DLGAP2: variants seen among roughly 807,000 people sequenced by gnomAD.
DLGAP2 encodes DLG associated protein 2.
A neutral mutation model predicts 100.3 loss-of-function variants in DLGAP2; 26 were observed. That is an observed-to-expected ratio of 0.26 (90% CI 0.19 to 0.36). The LOEUF is 0.36. Among genes scored for constraint, DLGAP2 ranks in the 10% least tolerant of loss-of-function variants. The pLI is 1.00. For synonymous variants in DLGAP2, 886 were observed against 630.1 expected (o/e 1.41, Z -6.08); for missense variants, 1,858 against 1,453.2 (o/e 1.28, Z -4.53).
chr8:1,550,894 G>C (rs957286851), intron 5 of DLGAP2, among the ~76,000 whole-genome samples: 2 of 152,208 alleles, frequency 1.3e-5, no homozygotes, highest in Non-Finnish European at 2.9e-5. Flanking sequence ...ACTCTTGCTT[G>C]CCTAGAGCAG....
At chr8:1,022,904 A>T (rs188989044) in intron 2 of DLGAP2, among the ~76,000 whole-genome samples, 2 of 152,340 alleles carry the variant, frequency 1.3e-5, no homozygotes, top group East Asian at 3.9e-4. Context: ...TGAAATTGGC[A>T]GCTTTAGAAA....
In DLGAP2 at chr8:1,548,794, C is replaced by A; in HGVS notation, c.341C>A (p.Pro114His). The A allele has an allele frequency of 1.9e-6, 3 of 1,584,080 alleles. No individual in the cohort carries two copies. Among genetic ancestry groups the A allele is most frequent in the Non-Finnish European group, 2.6e-6 (3 of 1,168,518 alleles). Residue 114 changes from proline (P) to histidine (H), a missense_variant, in exon 5 of 15, where the codon CCC becomes CAC. By Grantham distance (77) the Pro-to-His change is moderately conservative. Coordinates refer to ENST00000637795, the MANE Select transcript of DLGAP2 (RefSeq NM_001346810.2). ...PEDCEHLHHG[P>H]DARPPYLLSP... ...GACTGCGAGCACCTGCACCACGGGCCCGACGCGCGGCCGCCCTACCTGCTG... is the reference window on the plus strand; with the variant it reads ...GACTGCGAGCACCTGCACCACGGGCACGACGCGCGGCCGCCCTACCTGCTG...
At chr8:1,625,066 A>G (rs1018231414) in intron 6 of DLGAP2, among the ~76,000 whole-genome samples, 13 of 152,242 alleles carry the variant, frequency 8.5e-5, no homozygotes, top group African/African-American at 3.1e-4. Flanking sequence ...CCATTTTTAA[A>G]GACTGAAGTA....
intron 2 of DLGAP2, among the ~76,000 whole-genome samples, chr8:1,251,444 C>T (rs1184161057): frequency 1.3e-5 from 2 of 152,084 alleles, no homozygotes; most frequent in African/African-American, 4.8e-5. Context: ...ATTGTATTTA[C>T]TGATTTATTT....
intron 2 of DLGAP2, among the ~76,000 whole-genome samples, chr8:1,037,023 G>C (rs945931555): frequency 6.6e-6 from 1 of 152,118 alleles, no homozygotes; most frequent in Non-Finnish European, 1.5e-5. Flanking sequence ...TGCACTGGAC[G>C]CTTGCTGTTC....
chr8:1,275,054 T>A (rs963064989), intron 3 of DLGAP2, among the ~76,000 whole-genome samples: 2 of 152,114 alleles, frequency 1.3e-5, no homozygotes, highest in African/African-American at 4.8e-5. Flanking sequence ...AGAGCCCACA[T>A]TGGTGAAGGC....
chr8:902,379 G>A (rs1798270885), intron 1 of DLGAP2, among the ~76,000 whole-genome samples: 1 of 150,424 alleles, frequency 6.6e-6, no homozygotes, highest in African/African-American at 2.4e-5. Context: ...CACTCCAAGG[G>A]CAGCCGGAGG....
intron 2 of DLGAP2, among the ~76,000 whole-genome samples, chr8:1,257,393 C>G (rs1159865547): frequency 6.6e-6 from 1 of 152,116 alleles, no homozygotes; most frequent in African/African-American, 2.4e-5. Context: ...ATGTTCCGCT[C>G]CCTCCTGAAC....
intron 6 of DLGAP2, among the ~76,000 whole-genome samples, chr8:1,577,440 T>A (rs888980863): frequency 6.6e-6 from 1 of 151,802 alleles, no homozygotes; most frequent in South Asian, 2.1e-4. Context: ...TAGTGGCACA[T>A]GCCTGTAATC....
At chr8:946,354 C>T (rs113064235) in intron 2 of DLGAP2, among the ~76,000 whole-genome samples, 1 of 151,832 alleles carries the variant, frequency 6.6e-6, no homozygotes, top group African/African-American at 2.4e-5. Flanking sequence ...AGCTCCGCCT[C>T]CCGGGTTCAC....
At chr8:1,332,916 C>T (rs1236931563) in intron 3 of DLGAP2, among the ~76,000 whole-genome samples, 3 of 152,166 alleles carry the variant, frequency 2.0e-5, no homozygotes, top group Admixed American at 6.5e-5. Context: ...GGACCACTTG[C>T]TGATGTTTCC....
rs555090483 is a variant in DLGAP2, at chr8:1,635,972, A to C, written c.1810+2926A>C. 3.1e-4 allele frequency among the ~76,000 whole-genome samples: 47 copies of C among 152,338 alleles called. 1 individual carries two copies. The South Asian group carries it at 8.7e-3, about 28-fold the overall frequency. ...ATCACCAGGGAACTCCAGTAAGAACAGAATACCCTGTGAGGCGGTGTGAGC... is the reference window on the plus strand; with the variant it reads ...ATCACCAGGGAACTCCAGTAAGAACCGAATACCCTGTGAGGCGGTGTGAGC... On this transcript the variant is annotated intron_variant, in intron 8 of 14. Transcript: ENST00000637795.
At chr8:933,267 C>T (rs1230701657) in intron 2 of DLGAP2, among the ~76,000 whole-genome samples, 1 of 152,250 alleles carries the variant, frequency 6.6e-6, no homozygotes, top group South Asian at 2.1e-4. Flanking sequence ...TTAGGGAGCC[C>T]TCTGTCCTGG....
chr8:1,080,327 C>T (rs995538003), intron 2 of DLGAP2, among the ~76,000 whole-genome samples: 1 of 152,216 alleles, frequency 6.6e-6, no homozygotes, highest in African/African-American at 2.4e-5. Flanking sequence ...GCCGGCCTTT[C>T]CTCAAGTGCC....
chr8:1,328,845 G>T (rs1457792788), intron 3 of DLGAP2, among the ~76,000 whole-genome samples: 1 of 152,204 alleles, frequency 6.6e-6, no homozygotes, highest in Non-Finnish European at 1.5e-5. Flanking sequence ...GCCGAACACA[G>T]ATGCTCATGT....
intron 3 of DLGAP2, among the ~76,000 whole-genome samples, chr8:1,311,810 A>G (rs55823171): frequency 0.048 from 7,310 of 152,298 alleles, 309 homozygotes; most frequent in African/African-American, 0.12. Context: ...CCTGTCCAAC[A>G]TTATGCAATA....
At position 1,073,227 on chromosome 8, in the gene DLGAP2, A is replaced by G. The variant is rs55634359; in HGVS notation, c.73+165261A>G. On this transcript the variant is annotated intron_variant, in intron 2 of 14. Transcript: ENST00000637795. ...TTTGAGATCATCTTTCTCTTCTGCT[A>G]TTGGAACATATCAATTTATATATTC... Among the ~76,000 whole-genome samples, 267 of 152,344 alleles carry G rather than the reference A, an allele frequency of 1.8e-3. 1 individual carries two copies. Among genetic ancestry groups the G allele is most frequent in the African/African-American group, 6.0e-3 (248 of 41,578 alleles).
intron 3 of DLGAP2, among the ~76,000 whole-genome samples, chr8:1,429,034 C>A (rs997866885): frequency 1.3e-5 from 2 of 152,178 alleles, no homozygotes; most frequent in Non-Finnish European, 2.9e-5. Flanking sequence ...ATAAATTGGG[C>A]AGCACCAGAC....
At chr8:1,371,583 G>C (rs1210888156) in intron 3 of DLGAP2, among the ~76,000 whole-genome samples, 1 of 152,200 alleles carries the variant, frequency 6.6e-6, no homozygotes, top group African/African-American at 2.4e-5. Flanking sequence ...CCCGTGACTT[G>C]ATTGGAAAAG....
Sources: gnomAD v4.1 joint callset for allele counts (sites outside exome capture counted in the v4.1 genomes callset) on GRCh38, gnomAD v4.1.1 for gene constraint, MANE v1.5 for transcripts, NCBI Gene and HGNC (gene_info 2026-07-23, HGNC 2026-07-21) for gene names.